Variants in ARFGAP1 observed in about 807,000 individuals in gnomAD.
ARFGAP1 encodes ADP-ribosylation factor GTPase-activating protein 1.
In ARFGAP1, 26 loss-of-function variants were observed where a neutral mutation model predicts 54.0. The observed-to-expected ratio is 0.48, with a 90% confidence interval of 0.35 to 0.67. ARFGAP1 has a LOEUF of 0.67. ARFGAP1 is among the 30% of genes least tolerant of loss of function. The probability of loss-of-function intolerance (pLI) is 0.00; values close to 1 mark genes in which losing one functional copy is unlikely to be tolerated. For synonymous variants in ARFGAP1, 248 were observed against 211.9 expected (o/e 1.17, Z -1.48); for missense variants, 525 against 535.8 (o/e 0.98, Z 0.20).
intron 6 of ARFGAP1, 106 bp downstream of exon 6, chr20:63,278,309 G>A: frequency 8.3e-7 from 1 of 1,200,560 alleles, no homozygotes; most frequent in South Asian, 1.2e-5. Context: ...AGTGGGTGTG[G>A]GACCCAGGCA....
Position 63,276,449 on chromosome 20 carries a change from T to C in ARFGAP1, c.171-31T>C. The stretch of plus-strand genomic sequence containing the variant: ...GGGTGTCCCTGGGTGTCCCCGGTGC[T>C]GGTTGATCTGCTCGATCCTCTGCTT... On this transcript the variant is annotated intron_variant, in intron 3 of 12. Coordinates refer to ENST00000370283, the MANE Select transcript of ARFGAP1 (RefSeq NM_018209.4). The surrounding 1 kb of genome is among the most constrained non-coding windows in gnomAD (Gnocchi z 5.2). 1 of 1,593,524 alleles carries C rather than the reference T, an allele frequency of 6.3e-7. No individual in the cohort carries two copies. The highest frequency in any genetic ancestry group is 8.6e-7 in the Non-Finnish European group (1 of 1,168,052).
Position 63,288,597 on chromosome 20 carries a change from AAGG to A in ARFGAP1, c.*727_*729del, listed in dbSNP as rs887072167. Reference sequence around the variant, plus strand: ...CCATCCTGGAACACCCTGGAAGAAAAAGGAGCGCAGGGTGGGCCCTCGGCCCTG... The same window carrying A: ...CCATCCTGGAACACCCTGGAAGAAAAAGCGCAGGGTGGGCCCTCGGCCCTG... On this transcript the variant is annotated 3_prime_UTR_variant, in exon 13 of 13. Coordinates refer to ENST00000370283, the MANE Select transcript of ARFGAP1 (RefSeq NM_018209.4). 8.6e-5 allele frequency: 38 copies of A among 443,426 alleles called. No individual in the cohort carries two copies. The highest frequency in any genetic ancestry group is 1.7e-4 in the Non-Finnish European group (37 of 217,978). The allele number at this position is 443,426 out of a possible 1,614,324, so 27.5% of individuals were successfully genotyped here. A position where few individuals can be genotyped will look rare whatever the true frequency, so the allele number is the denominator to read the frequency against.
At chr20:63,281,226 C>T in intron 7 of ARFGAP1, 65 bp from the exon 8 acceptor site, 2 of 1,511,206 alleles carry the variant, frequency 1.3e-6, no homozygotes, top group South Asian at 1.2e-5. Context: ...TGCTGAGATA[C>T]TCTGCTCAGC....
chr20:63,285,060 C>A, intron 10 of ARFGAP1, 138 bp downstream of exon 10: 2 of 1,045,342 alleles, frequency 1.9e-6, no homozygotes, highest in Non-Finnish European at 1.4e-6. Flanking sequence ...CTCTCCAGCA[C>A]AGGCGTCCTC....
intron 7 of ARFGAP1, among the ~76,000 whole-genome samples, chr20:63,280,964 G>A (rs564285297): frequency 6.6e-6 from 1 of 152,350 alleles, no homozygotes; most frequent in African/African-American, 2.4e-5. Context: ...CTCTAGGGAG[G>A]CAGGAGGGAG....
Position 63,281,307 on chromosome 20 carries a change from C to T in ARFGAP1, c.644C>T (p.Thr215Ile). 1 of 1,602,180 alleles carries T rather than the reference C, an allele frequency of 6.2e-7. No homozygotes were observed. The highest frequency in any genetic ancestry group is 8.5e-7 in the Non-Finnish European group (1 of 1,177,570). Residue 215 changes from threonine to isoleucine, a missense_variant, in exon 8 of 13, where the codon ACC becomes ATC. Physicochemically the swap from Thr to Ile is moderately conservative, Grantham distance 89. Coordinates refer to ENST00000370283, the MANE Select transcript of ARFGAP1 (RefSeq NM_018209.4). ...SSLYSGWSSF[T>I]TGASRFASAA... ...CTCCCTCAGGGCTGGAGCAGCTTCA[C>T]CACTGGAGCCAGCCGGTTTGCCTCG...
At chr20:63,278,315 A>G in intron 6 of ARFGAP1, 112 bp downstream of exon 6, 1 of 1,110,036 alleles carries the variant, frequency 9.0e-7, no homozygotes, top group Non-Finnish European at 1.3e-6. Context: ...TGTGGGACCC[A>G]GGCATGCGCG....
intron 11 of ARFGAP1, 102 bp downstream of exon 11, chr20:63,285,815 G>A: frequency 6.5e-7 from 1 of 1,529,092 alleles, no homozygotes; most frequent in Non-Finnish European, 9.0e-7. Flanking sequence ...CCTCAGCCCA[G>A]CTTGGCAGTG....
At chr20:63,279,390 G>C in intron 7 of ARFGAP1, 1 of 353,466 alleles carries the variant, frequency 2.8e-6, no homozygotes, top group Admixed American at 4.0e-5. Flanking sequence ...ATTTTTAGTA[G>C]AGATGGGTTT....
Position 63,282,839 on chromosome 20 carries a change from A to G in ARFGAP1, c.705A>G (p.Gln235=), listed in dbSNP as rs1230789286. ...AKEGATKFGS[Q]ASQKASELGH... ...TTTAGGCTACAAAGTTTGGATCCCA[A>G]GCGAGTCAGAAGGTAACAGAGGAGA... Residue 235 remains glutamine, a synonymous_variant, in exon 9 of 13, where the codon CAA becomes CAG. Coordinates refer to ENST00000370283, the MANE Select transcript of ARFGAP1 (RefSeq NM_018209.4). The G allele has an allele frequency of 6.2e-7, 1 of 1,614,086 alleles. No homozygotes were observed. Among genetic ancestry groups the G allele is most frequent in the Admixed American group, 1.7e-5 (1 of 60,030 alleles).
intron 9 of ARFGAP1, chr20:63,284,483 C>T (rs906820507): frequency 3.6e-6 from 4 of 1,117,090 alleles, no homozygotes; most frequent in Non-Finnish European, 4.4e-6. Context: ...GACTCGGTGC[C>T]TGCCTGGGGA....
At position 63,276,743 on chromosome 20, in the gene ARFGAP1, C is replaced by T. The variant is rs1342152795; in HGVS notation, c.342+92C>T. The T allele has an allele frequency of 7.1e-6, 10 of 1,403,818 alleles. No individual in the cohort carries two copies. The highest frequency in any genetic ancestry group is 2.6e-5 in the Admixed American group (1 of 38,230). 87.0% of individuals were successfully genotyped at this position (1,403,818 alleles called of 1,614,324 possible). A position where few individuals can be genotyped will look rare whatever the true frequency, so the allele number is the denominator to read the frequency against. ...CTGTGGCCTTTAGTGGTTCTGGAGT[C>T]GGTTCTTCTGCTGGTTCTGACACAC... On this transcript the variant is annotated intron_variant, in intron 4 of 12. Coordinates refer to ENST00000370283, the MANE Select transcript of ARFGAP1 (RefSeq NM_018209.4). This position sits in a 1 kb window ranked among gnomAD's most constrained non-coding sequence, Gnocchi z 5.2.
rs1013147135 is a variant in ARFGAP1, at chr20:63,276,919, G to C, written c.342+268G>C. 2.0e-5 allele frequency among the ~76,000 whole-genome samples: 3 copies of C among 152,216 alleles called. No individual in the cohort carries two copies. Among genetic ancestry groups the C allele is most frequent in the Admixed American group, 2.0e-4 (3 of 15,286 alleles). ...TTGCCTCTGTGACATGTTGGGCACAGTGTTTCTAAGAAGTCTGGAGGCCAA... is the reference window on the plus strand; with the variant it reads ...TTGCCTCTGTGACATGTTGGGCACACTGTTTCTAAGAAGTCTGGAGGCCAA... On this transcript the variant is annotated intron_variant, in intron 4 of 12. Transcript: ENST00000370283. This position sits in a 1 kb window ranked among gnomAD's most constrained non-coding sequence, Gnocchi z 5.2.
At chr20:63,280,782 G>A (rs1466870028) in intron 7 of ARFGAP1, among the ~76,000 whole-genome samples, 3 of 152,266 alleles carry the variant, frequency 2.0e-5, no homozygotes, top group African/African-American at 7.2e-5. Flanking sequence ...TCAAGTGAGG[G>A]TCCCTTTGCA....
intron 1 of ARFGAP1, among the ~76,000 whole-genome samples, chr20:63,275,212 C>A (rs1198114822): frequency 6.6e-6 from 1 of 152,220 alleles, no homozygotes; most frequent in Admixed American, 6.5e-5. Context: ...TGCAGCCAAT[C>A]TGTGTGTATT....
At chr20:63,282,338 C>T (rs1007558440) in intron 8 of ARFGAP1, among the ~76,000 whole-genome samples, 8 of 152,266 alleles carry the variant, frequency 5.3e-5, no homozygotes, top group African/African-American at 1.9e-4. Context: ...CAGAGTGTCA[C>T]GACCGGGCCT....
intron 9 of ARFGAP1, chr20:63,284,121 A>G: frequency 7.4e-7 from 1 of 1,342,358 alleles, no homozygotes; most frequent in Non-Finnish European, 9.5e-7. Flanking sequence ...CAAAAAAATG[A>G]GACCCCCATC....
chr20:63,274,955 C>T (rs781767471), intron 1 of ARFGAP1, among the ~76,000 whole-genome samples: 4 of 152,216 alleles, frequency 2.6e-5, no homozygotes, highest in Admixed American at 6.5e-5. Context: ...TGAAGCCACT[C>T]TCCTTGTCCT....
At chr20:63,284,771 A>T (rs2067481163) in intron 9 of ARFGAP1, 95 bp from the exon 10 acceptor site, 3 of 1,559,654 alleles carry the variant, frequency 1.9e-6, no homozygotes, top group Non-Finnish European at 2.6e-6. Context: ...CTGCTGGTGA[A>T]GCTCGTGCTG....
Sources: allele counts gnomAD v4.1 joint callset (sites outside exome capture counted in the v4.1 genomes callset), GRCh38; gene constraint gnomAD v4.1.1; non-coding constraint Gnocchi (gnomAD v3.1); transcripts MANE v1.5; gene names NCBI Gene and HGNC (gene_info 2026-07-23, HGNC 2026-07-21).